The following NCEH1 variants were observed in gnomAD, a reference collection of about 807,000 sequenced individuals.
NCEH1 encodes the protein neutral cholesterol ester hydrolase 1, also known as 2-acetyl MAGE hydrolase.
In NCEH1, 9 loss-of-function variants were observed where a neutral mutation model predicts 25.4. The ratio of observed to expected loss-of-function variants is 0.35; its 90% CI spans 0.21 to 0.62. The LOEUF (loss-of-function observed/expected upper bound fraction) is 0.62. Ranked by LOEUF, NCEH1 falls within the 20% of genes least tolerant of loss-of-function variation. NCEH1 has a pLI of 0.72. For missense variants in NCEH1, 412 were observed against 501.1 expected (o/e 0.82, Z 1.70); for synonymous variants, 200 against 199.8 (o/e 1.00, Z -0.01).
At chr3:172,700,077 A>C (rs1384370627) in intron 1 of NCEH1, among the ~76,000 whole-genome samples, 1 of 152,218 alleles carries the variant, frequency 6.6e-6, no homozygotes, top group Non-Finnish European at 1.5e-5. Flanking sequence ...TATTCTACAA[A>C]TGGATTACAG....
intron 1 of NCEH1, among the ~76,000 whole-genome samples, chr3:172,653,756 T>C (rs76363042): frequency 1.0e-5 from 1 of 96,958 alleles, no homozygotes. Context: ...TTTTTTGTTT[T>C]TTTGTTTTTT....
rs1427772210 is a variant in NCEH1, at chr3:172,645,677, T to C, written c.383A>G (p.Asp128Gly). 1 of 1,591,610 alleles carries C rather than the reference T, an allele frequency of 6.3e-7. No homozygotes were observed. Among genetic ancestry groups the C allele is most frequent in the Non-Finnish European group, 8.6e-7 (1 of 1,168,142 alleles). ...CTCAGCCATTGCTGTACACAGCTCATCATAATACCTGATTTCTAAAAGACA... is the reference window on the plus strand; with the variant it reads ...CTCAGCCATTGCTGTACACAGCTCACCATAATACCTGATTTCTAAAAGACA... ...ALASAKIRYY[D>G]ELCTAMAEEL... is the part of the protein sequence containing the mutation. Residue 128 changes from aspartate to glycine, a missense_variant, in exon 3 of 5, where the codon GAT becomes GGT. Asp to Gly is a moderately conservative substitution (Grantham distance 94, BLOSUM62 -1). Around this residue, in one of 3 missense-constraint regions of NCEH1, gnomAD observed 178 missense variants for 189.2 expected, o/e 0.94. Coordinates refer to ENST00000475381, the MANE Select transcript of NCEH1 (RefSeq NM_020792.6).
In NCEH1 at chr3:172,704,515, T is replaced by C. The variant is rs561541554; in HGVS notation, c.138+6332A>G. Among the ~76,000 whole-genome samples the C allele has an allele frequency of 5.3e-5, 8 of 152,358 alleles. No individual in the cohort carries two copies. In the South Asian group the frequency reaches 1.4e-3, roughly 28 times the overall value. On this transcript the variant is annotated intron_variant, in intron 1 of 4. Coordinates refer to ENST00000475381, the MANE Select transcript of NCEH1 (RefSeq NM_020792.6). ...GTTGGTTTATCATCCTTCACTTGAC[T>C]GTAAGCTTCTCAAGTTTAGGTTTCT... is the stretch of plus-strand genomic sequence containing the variant.
At chr3:172,645,417 A>G (rs1717073047) in intron 3 of NCEH1, among the ~76,000 whole-genome samples, 1 of 152,206 alleles carries the variant, frequency 6.6e-6, no homozygotes, top group Admixed American at 6.5e-5. Flanking sequence ...TGAAAAGGTA[A>G]TTTGAAGTGT....
At chr3:172,661,295 A>G (rs906908703) in intron 1 of NCEH1, among the ~76,000 whole-genome samples, 3 of 152,050 alleles carry the variant, frequency 2.0e-5, no homozygotes, top group Non-Finnish European at 4.4e-5. Flanking sequence ...GATGTGTGGT[A>G]TTATTTCTGA....
At chr3:172,698,133 T>C (rs9838076) in intron 1 of NCEH1, among the ~76,000 whole-genome samples, 29,406 of 151,844 alleles carry the variant, frequency 0.19, 3,139 homozygotes, top group African/African-American at 0.27. Context: ...CCCGCCACCA[T>C]GCCCGGCTAA....
intron 1 of NCEH1, among the ~76,000 whole-genome samples, chr3:172,674,313 A>G: frequency 6.6e-6 from 1 of 151,954 alleles, no homozygotes; most frequent in East Asian, 1.9e-4. Context: ...GTGTGGTGGC[A>G]CGTGCCGTAA....
Position 172,647,820 on chromosome 3 carries a change from C to T in NCEH1, c.367+66G>A, listed in dbSNP as rs533417650. The T allele has an allele frequency of 3.8e-6, 6 of 1,590,864 alleles. No individual in the cohort carries two copies. The South Asian group carries it at 4.5e-5, about 12-fold the overall frequency. On this transcript the variant is annotated intron_variant, in intron 2 of 4. Coordinates refer to ENST00000475381, the MANE Select transcript of NCEH1 (RefSeq NM_020792.6). ...CTTCTTTCCCACTAAGAAAGCCAAA[C>T]TCAGTTACGCATCTCCCCCAAGGCC...
At chr3:172,635,752 G>A (rs181247141) in intron 4 of NCEH1, among the ~76,000 whole-genome samples, 164 bp downstream of exon 4, 4 of 152,148 alleles carry the variant, frequency 2.6e-5, no homozygotes, top group African/African-American at 9.6e-5. Context: ...CTACTTCAAC[G>A]AGATCTCTGA....
intron 1 of NCEH1, among the ~76,000 whole-genome samples, chr3:172,701,449 C>CTTTTTTTTTTTTTTTTTTTTTT (rs10701435): frequency 9.0e-5 from 10 of 110,936 alleles, no homozygotes; most frequent in African/African-American, 3.3e-4. Context: ...GGTCTTTTGC[C>CTTTTTTTTTTTTTTTTTTTTTT]TTTTTTTTTT....
In NCEH1 at chr3:172,678,793, C is replaced by T. The variant is rs1712168518; in HGVS notation, c.139-30679G>A. On this transcript the variant is annotated intron_variant, in intron 1 of 4. Coordinates refer to ENST00000475381, the MANE Select transcript of NCEH1 (RefSeq NM_020792.6). Reference sequence around the variant, plus strand: ...TGGTGAAGTCTGTGCACCCATCATCCACATAGTGAACACTGTACCAAACAG... The same window carrying T: ...TGGTGAAGTCTGTGCACCCATCATCTACATAGTGAACACTGTACCAAACAG... Among the ~76,000 whole-genome samples the T allele has an allele frequency of 3.3e-5, 5 of 152,148 alleles. No individual in the cohort carries two copies. In the South Asian group the frequency reaches 1.0e-3, roughly 32 times the overall value.
chr3:172,698,707 A>C (rs959518265), intron 1 of NCEH1, among the ~76,000 whole-genome samples: 2 of 152,264 alleles, frequency 1.3e-5, no homozygotes, highest in Non-Finnish European at 2.9e-5. Context: ...CACATAATTC[A>C]TGACAAATTT....
intron 1 of NCEH1, among the ~76,000 whole-genome samples, chr3:172,653,560 A>T (rs1717514205): frequency 1.3e-5 from 2 of 152,152 alleles, no homozygotes; most frequent in African/African-American, 4.8e-5. Context: ...AAAGGGTTGC[A>T]CAAGCTCAGA....
At chr3:172,653,756 T>TTTTTTTG (rs746384086) in intron 1 of NCEH1, among the ~76,000 whole-genome samples, 20 of 96,944 alleles carry the variant, frequency 2.1e-4, no homozygotes, top group Admixed American at 3.1e-4. Flanking sequence ...TTTTTTGTTT[T>TTTTTTTG]TTTGTTTTTT....
intron 1 of NCEH1, among the ~76,000 whole-genome samples, chr3:172,676,268 C>T (rs1354479231): frequency 4.6e-5 from 7 of 152,008 alleles, no homozygotes; most frequent in East Asian, 1.9e-4. Flanking sequence ...ACAGAAAAAC[C>T]GCTTGAAGGG....
At chr3:172,661,896 T>G (rs1361673829) in intron 1 of NCEH1, among the ~76,000 whole-genome samples, 1 of 152,128 alleles carries the variant, frequency 6.6e-6, no homozygotes, top group Non-Finnish European at 1.5e-5. Context: ...GTTTTCTAAA[T>G]ATACAATCAT....
intron 1 of NCEH1, among the ~76,000 whole-genome samples, chr3:172,651,051 T>C (rs1717383635): frequency 6.6e-6 from 1 of 152,198 alleles, no homozygotes; most frequent in Non-Finnish European, 1.5e-5. Context: ...TTCTTGGTAC[T>C]ATTATAAATA....
At chr3:172,691,544 C>T (rs1185738428) in intron 1 of NCEH1, among the ~76,000 whole-genome samples, 1 of 152,304 alleles carries the variant, frequency 6.6e-6, no homozygotes, top group African/African-American at 2.4e-5. Flanking sequence ...GGGAAGTCCA[C>T]AGACAAGCCC....
intron 3 of NCEH1, among the ~76,000 whole-genome samples, chr3:172,642,862 G>T (rs1232142951): frequency 6.6e-6 from 1 of 152,196 alleles, no homozygotes. Context: ...CTTGTACTGG[G>T]TTCTGGAGAT....
Sources: allele counts gnomAD v4.1 joint callset (sites outside exome capture counted in the v4.1 genomes callset), GRCh38; gene constraint gnomAD v4.1.1; regional missense constraint gnomAD v4.1.1; transcripts MANE v1.5; gene names NCBI Gene and HGNC (gene_info 2026-07-23, HGNC 2026-07-21).